The following FRMD4A variants were observed in gnomAD, a reference collection of about 807,000 sequenced individuals.
The protein encoded by FRMD4A is FERM domain containing 4A.
FRMD4A carries 29 observed loss-of-function variants against 129.1 expected under a neutral mutation model. The observed-to-expected ratio is 0.22, with a 90% confidence interval of 0.17 to 0.31. The LOEUF (loss-of-function observed/expected upper bound fraction) is 0.31. FRMD4A is among the 10% of genes least tolerant of loss of function. The probability of loss-of-function intolerance (pLI) is 1.00; values close to 1 mark genes in which losing one functional copy is unlikely to be tolerated. For synonymous variants in FRMD4A, 634 were observed against 571.6 expected, an observed-to-expected ratio of 1.11 and a Z score of -1.56; for missense variants, 1,272 against 1,375.8, an observed-to-expected ratio of 0.92 and a Z score of 1.19.
intron 2 of FRMD4A, among the ~76,000 whole-genome samples, chr10:13,974,321 A>C (rs1035938075): frequency 2.0e-5 from 3 of 152,126 alleles, no homozygotes; most frequent in African/African-American, 7.2e-5. Context: ...AGCTGCCCTG[A>C]TATCTTTACC....
intron 2 of FRMD4A, among the ~76,000 whole-genome samples, chr10:14,040,811 G>T (rs148687282): frequency 6.6e-6 from 1 of 152,194 alleles, no homozygotes; most frequent in East Asian, 1.9e-4. Context: ...GCCTGCAGTG[G>T]ATACAGTGGT....
chr10:13,812,387 C>T (rs959940024), intron 3 of FRMD4A, among the ~76,000 whole-genome samples: 3 of 152,234 alleles, frequency 2.0e-5, no homozygotes, highest in African/African-American at 7.2e-5. Context: ...CCTGCTTCCT[C>T]TCTCTGCCAT....
chr10:14,122,759 G>A (rs1347300242), intron 2 of FRMD4A, among the ~76,000 whole-genome samples: 1 of 152,022 alleles, frequency 6.6e-6, no homozygotes, highest in Admixed American at 6.6e-5. Context: ...GCAACATTGG[G>A]GATTGCAACT....
At chr10:13,904,603 G>A (rs900825685) in intron 2 of FRMD4A, among the ~76,000 whole-genome samples, 2 of 152,222 alleles carry the variant, frequency 1.3e-5, no homozygotes, top group African/African-American at 4.8e-5. Context: ...TGTACACGGT[G>A]TATGGTATTT....
At chr10:14,112,896 T>A (rs926239344) in intron 2 of FRMD4A, among the ~76,000 whole-genome samples, 2 of 152,158 alleles carry the variant, frequency 1.3e-5, no homozygotes, top group Non-Finnish European at 2.9e-5. Context: ...TCCCTCAATG[T>A]GTGTAATTAT....
intron 9 of FRMD4A, among the ~76,000 whole-genome samples, chr10:13,746,272 A>G (rs2091285212): frequency 6.6e-6 from 1 of 152,034 alleles, no homozygotes. Context: ...GTGCAGTGGC[A>G]CAATCTTTGT....
chr10:14,049,441 A>G (rs1245790253), intron 2 of FRMD4A, among the ~76,000 whole-genome samples: 1 of 152,234 alleles, frequency 6.6e-6, no homozygotes, highest in Non-Finnish European at 1.5e-5. Flanking sequence ...CCGACCTTTT[A>G]AAAACTGGAA....
rs577218177 is a variant in FRMD4A, at chr10:14,127,964, T to C, written c.45+202094A>G. On this transcript the variant is annotated intron_variant, in intron 2 of 24. Transcript: ENST00000357447. ...TTTCTTTCTTTCTTTCTTTCTTTCT[T>C]TCTTTCTTTCTTTCCTTCTCTCTCT... is the stretch of plus-strand genomic sequence containing the variant. Among the ~76,000 whole-genome samples, 323 of 35,198 alleles carry C rather than the reference T, an allele frequency of 9.2e-3. 10 individuals carry two copies. The highest frequency in any genetic ancestry group is 0.025 in the African/African-American group (169 of 6,658). 23.1% of individuals were successfully genotyped at this position (35,198 alleles called of 152,430 possible).
intron 2 of FRMD4A, among the ~76,000 whole-genome samples, chr10:14,112,174 T>C (rs1011775141): frequency 6.6e-6 from 1 of 151,966 alleles, no homozygotes; most frequent in Non-Finnish European, 1.5e-5. Context: ...CAGAAAGATG[T>C]TGGTAAGGGG....
chr10:13,879,815 C>CCTT (rs1417382900), intron 2 of FRMD4A, among the ~76,000 whole-genome samples: 1 of 138,456 alleles, frequency 7.2e-6, no homozygotes, highest in African/African-American at 2.8e-5. Context: ...TCCTCCTCCT[C>CCTT]CTTCTTCTTC....
intron 8 of FRMD4A, among the ~76,000 whole-genome samples, chr10:13,758,416 T>C (rs1350969090): frequency 6.6e-6 from 1 of 152,208 alleles, no homozygotes; most frequent in Non-Finnish European, 1.5e-5. Context: ...GGAAAACATA[T>C]CTACAGTATG....
chr10:14,247,998 T>C (rs557751011), intron 2 of FRMD4A, among the ~76,000 whole-genome samples: 2 of 152,330 alleles, frequency 1.3e-5, no homozygotes, highest in South Asian at 4.1e-4. Context: ...TAGTTTGCCT[T>C]CTGTTCCCTC....
intron 2 of FRMD4A, among the ~76,000 whole-genome samples, chr10:14,104,257 T>C (rs1837464411): frequency 6.6e-6 from 1 of 152,000 alleles, no homozygotes; most frequent in South Asian, 2.1e-4. Flanking sequence ...TACACTGCCA[T>C]GGGGGTTACA....
Position 13,654,467 on chromosome 10 carries a change from A to G in FRMD4A, c.2999T>C (p.Ile1000Thr), listed in dbSNP as rs779037775. ...GGGGCTGCTTGGGGGGGTGGCTCCA[A>G]TTTCACTTGACGGTGTCGAGCTTCT... is the stretch of plus-strand genomic sequence containing the variant. ...SQRSSTPSSEIGATPPSSPHH... is the reference protein window; with the variant it reads ...SQRSSTPSSETGATPPSSPHH... The change falls in exon 23 of 25, where the codon ATT becomes ACT. Residue 1000 changes from isoleucine (I) to threonine (T), a missense_variant. Around this residue, in one of 2 missense-constraint regions of FRMD4A, gnomAD observed 972 missense variants for 892.3 expected, o/e 1.09. Transcript: ENST00000357447. The G allele has an allele frequency of 2.5e-6, 4 of 1,613,980 alleles. No individual in the cohort carries two copies. In the East Asian group the frequency reaches 6.7e-5, roughly 27 times the overall value.
intron 24 of FRMD4A, among the ~76,000 whole-genome samples, chr10:13,650,011 C>A (rs981293244): frequency 6.6e-6 from 1 of 152,198 alleles, no homozygotes; most frequent in African/African-American, 2.4e-5. Context: ...ACTTCAGAAT[C>A]TGTGGGGGCT....
rs541993406 is a variant in FRMD4A, at chr10:13,917,818, C to T, written c.46-58906G>A. On this transcript the variant is annotated intron_variant, in intron 2 of 24. Coordinates refer to ENST00000357447, the MANE Select transcript of FRMD4A (RefSeq NM_018027.5). ...AGGAAATCTGAGCCACAGTTGGGCACTGGCACTCACAAGGTGCATGGCCTT... is the reference window on the plus strand; with the variant it reads ...AGGAAATCTGAGCCACAGTTGGGCATTGGCACTCACAAGGTGCATGGCCTT... Among the ~76,000 whole-genome samples, 5 of 152,330 alleles carry T rather than the reference C, an allele frequency of 3.3e-5. No individual in the cohort carries two copies. The South Asian group carries it at 1.0e-3, about 32-fold the overall frequency.
chr10:14,031,487 T>C (rs540605412), intron 2 of FRMD4A, among the ~76,000 whole-genome samples: 100 of 152,246 alleles, frequency 6.6e-4, no homozygotes, highest in African/African-American at 2.3e-3. Flanking sequence ...AGGCTGGTCT[T>C]GAACTCCTGG....
chr10:13,842,100 A>T (rs184690475), intron 3 of FRMD4A, among the ~76,000 whole-genome samples: 1 of 152,336 alleles, frequency 6.6e-6, no homozygotes, highest in East Asian at 1.9e-4. Flanking sequence ...AGCAGCTGGA[A>T]TTATTTCTGA....
At chr10:14,084,171 G>A (rs1455291363) in intron 2 of FRMD4A, among the ~76,000 whole-genome samples, 1 of 152,196 alleles carries the variant, frequency 6.6e-6, no homozygotes, top group Non-Finnish European at 1.5e-5. Context: ...CCTCTAGACA[G>A]AGTCTTGATC....
Sources: gnomAD v4.1 joint callset for allele counts (sites outside exome capture counted in the v4.1 genomes callset) on GRCh38, gnomAD v4.1.1 for gene constraint, gnomAD v4.1.1 regional missense constraint, MANE v1.5 for transcripts, NCBI Gene and HGNC (gene_info 2026-07-23, HGNC 2026-07-21) for gene names.